The following MFAP5 variants were observed in gnomAD, a reference collection of about 807,000 sequenced individuals.
The protein encoded by MFAP5 is microfibrillar-associated protein 5.
In MFAP5, 19 loss-of-function variants were observed where a neutral mutation model predicts 30.1. That is an observed-to-expected ratio of 0.63 (90% CI 0.44 to 0.93). The LOEUF (loss-of-function observed/expected upper bound fraction) is 0.93, where lower values mean the gene tolerates loss of function less well. Ranked by LOEUF, MFAP5 falls within the 40% of genes least tolerant of loss-of-function variation. The probability of loss-of-function intolerance (pLI) is 0.00; values close to 1 mark genes in which losing one functional copy is unlikely to be tolerated. For missense variants in MFAP5, 210 were observed against 221.3 expected, an observed-to-expected ratio of 0.95 and a Z score of 0.32; for synonymous variants, 92 against 72.9, an observed-to-expected ratio of 1.26 and a Z score of -1.33.
rs1413486148 is a variant in MFAP5, at chr12:8,645,974, A to G, written c.*2117T>C. 1 of 152,254 alleles carries G rather than the reference A, an allele frequency of 6.6e-6. No homozygotes were observed. 9.4% of individuals were successfully genotyped at this position (152,254 alleles called of 1,614,324 possible). ...AACAAAAGACATTTTATTTTGAGAA[A>G]TAAATTGGAAAAAAATATTTTAAAA... On this transcript the variant is annotated 3_prime_UTR_variant, in exon 10 of 10. Coordinates refer to ENST00000359478, the MANE Select transcript of MFAP5 (RefSeq NM_003480.4).
intron 6 of MFAP5, 153 bp from the exon 7 acceptor site, chr12:8,651,844 T>C: frequency 1.5e-6 from 1 of 681,602 alleles, no homozygotes. Context: ...AGAAAACCCT[T>C]ATTGAGCTGA....
At position 8,647,977 on chromosome 12, in the gene MFAP5, A is replaced by G. The variant is rs148739395; in HGVS notation, c.*114T>C. The G allele has an allele frequency of 1.7e-4, 118 of 709,672 alleles. No individual in the cohort carries two copies. The East Asian group carries it at 3.2e-3, about 19-fold the overall frequency. The allele number at this position is 709,672 out of a possible 1,614,324, so 44.0% of individuals were successfully genotyped here. On this transcript the variant is annotated 3_prime_UTR_variant, in exon 10 of 10. Coordinates refer to ENST00000359478, the MANE Select transcript of MFAP5 (RefSeq NM_003480.4). ...AGTAGGGGTAAAAGCTGGACATTGC[A>G]AAAGGATTGGTTTAAGAAATACTGT...
intron 5 of MFAP5, among the ~76,000 whole-genome samples, 186 bp from the exon 6 acceptor site, chr12:8,654,667 G>A (rs1035852406): frequency 1.3e-5 from 2 of 152,070 alleles, no homozygotes; most frequent in African/African-American, 4.8e-5. Flanking sequence ...AGTCCTGGGT[G>A]GGGCGCAGTG....
At chr12:8,648,842 A>C (rs1042243431) in intron 9 of MFAP5, among the ~76,000 whole-genome samples, 1 of 152,200 alleles carries the variant, frequency 6.6e-6, no homozygotes, top group Non-Finnish European at 1.5e-5. Flanking sequence ...TTCACCAACC[A>C]CAGCCATCGT....
At chr12:8,660,611 C>G (rs1942120501) in intron 3 of MFAP5, among the ~76,000 whole-genome samples, 1 of 151,996 alleles carries the variant, frequency 6.6e-6, no homozygotes, top group Non-Finnish European at 1.5e-5. Flanking sequence ...TAGAGGATGT[C>G]TTGGGAAGGT....
chr12:8,654,173 C>T (rs1384386523), intron 6 of MFAP5: 8 of 387,890 alleles, frequency 2.1e-5, no homozygotes, highest in Non-Finnish European at 3.2e-5. Context: ...CTTCTTCTAC[C>T]CTTTATCCTC....
intron 8 of MFAP5, among the ~76,000 whole-genome samples, chr12:8,649,868 G>A (rs961587946): frequency 3.3e-5 from 5 of 151,914 alleles, no homozygotes; most frequent in Admixed American, 2.6e-4. Context: ...CTGAGATTTG[G>A]GTGCACCCGT....
intron 3 of MFAP5, among the ~76,000 whole-genome samples, chr12:8,656,713 C>T (rs750077769): frequency 1.4e-5 from 2 of 147,210 alleles, no homozygotes; most frequent in Non-Finnish European, 3.0e-5. Context: ...GTCGCCCAGG[C>T]TGGAATACAG....
At chr12:8,660,974 G>A in intron 2 of MFAP5, 76 bp from the exon 3 acceptor site, 1 of 1,226,090 alleles carries the variant, frequency 8.2e-7, no homozygotes, top group Non-Finnish European at 1.2e-6. Context: ...AGACAAATCA[G>A]AAAATCATGG....
chr12:8,661,715 T>G (rs976110977), intron 2 of MFAP5, among the ~76,000 whole-genome samples: 4 of 152,078 alleles, frequency 2.6e-5, no homozygotes, highest in African/African-American at 9.7e-5. Flanking sequence ...CCTCTATGTT[T>G]GTGTATGCAT....
intron 3 of MFAP5, among the ~76,000 whole-genome samples, chr12:8,658,201 T>C (rs1258172730): frequency 2.6e-5 from 4 of 152,010 alleles, no homozygotes; most frequent in Non-Finnish European, 4.4e-5. Context: ...ATACAAAAAT[T>C]AGCTGGGCAT....
intron 1 of MFAP5, chr12:8,662,377 C>A (rs749848932): frequency 4.9e-6 from 2 of 411,000 alleles, no homozygotes; most frequent in Non-Finnish European, 4.4e-6. Context: ...CTACATGGTC[C>A]GTACTTGGCC....
intron 7 of MFAP5, 140 bp downstream of exon 7, chr12:8,651,522 G>T: frequency 1.2e-6 from 1 of 824,770 alleles, no homozygotes. Flanking sequence ...AAGAGTAAGG[G>T]AGTGAAGAAC....
At chr12:8,661,967 C>T (rs1591578959) in intron 2 of MFAP5, 80 bp downstream of exon 2, 4 of 1,347,490 alleles carry the variant, frequency 3.0e-6, no homozygotes, top group Admixed American at 3.6e-5. Flanking sequence ...CCTCTTCGAC[C>T]TCATTCCATC....
chr12:8,662,393 CTTTGGCCT>C, intron 1 of MFAP5: 1 of 334,754 alleles, frequency 3.0e-6, no homozygotes, highest in South Asian at 4.9e-5. Flanking sequence ...TGGCCCTACC[CTTTGGCCT>C]CTTTCACCCC....
Position 8,660,885 on chromosome 12 carries a change from CA to C in MFAP5, c.71del (p.Leu24ArgfsTer11). ...AFIITSDWIP[L>X]GVNSQRGDDV... is the part of the protein sequence containing the mutation. ...TACCTCCTCGTTGACTATTGACCCC[CA>C]GGGGTATCCAGTCTATAGCAAAGGA... On this transcript the variant is annotated frameshift_variant, in exon 3 of 10. Coordinates refer to ENST00000359478, the MANE Select transcript of MFAP5 (RefSeq NM_003480.4). LOFTEE classifies it high-confidence loss of function. 1 of 1,612,622 alleles carries C rather than the reference CA, an allele frequency of 6.2e-7. No homozygotes were observed. Among genetic ancestry groups the C allele is most frequent in the African/African-American group, 1.3e-5 (1 of 74,964 alleles).
chr12:8,649,538 G>A lies in MFAP5; in HGVS notation c.372C>T (p.Cys124=). Residue 124 remains cysteine (C), a synonymous_variant, in exon 9 of 10, where the codon TGC becomes TGT. Coordinates refer to ENST00000359478, the MANE Select transcript of MFAP5 (RefSeq NM_003480.4). ...RRMYIVNKEI[C]SRLVCKEHEA... Reference sequence around the variant, plus strand: ...CGTGTTCCTTACAGACAAGACGAGAGCAGATCTCCTTGTTGACGATGTACA... The same window carrying A: ...CGTGTTCCTTACAGACAAGACGAGAACAGATCTCCTTGTTGACGATGTACA... The A allele has an allele frequency of 1.2e-6, 2 of 1,614,066 alleles. No homozygotes were observed. The highest frequency in any genetic ancestry group is 1.7e-6 in the Non-Finnish European group (2 of 1,179,998).
chr12:8,651,540 C>T, intron 7 of MFAP5, 122 bp downstream of exon 7: 1 of 1,020,650 alleles, frequency 9.8e-7, no homozygotes, highest in Non-Finnish European at 1.5e-6. Context: ...AACACTAATA[C>T]TCTTTGAGAA....
intron 3 of MFAP5, among the ~76,000 whole-genome samples, chr12:8,656,283 C>T (rs12829580): frequency 0.077 from 11,686 of 151,738 alleles, 480 homozygotes; most frequent in Middle Eastern, 0.11. Flanking sequence ...CTCCTGACCT[C>T]GTGAACCGCC....
Sources: gnomAD v4.1 joint callset for allele counts (sites outside exome capture counted in the v4.1 genomes callset) on GRCh38, gnomAD v4.1.1 for gene constraint, MANE v1.5 for transcripts, NCBI Gene and HGNC (gene_info 2026-07-23, HGNC 2026-07-21) for gene names.